Variants in MAD1L1 observed in about 807,000 individuals in gnomAD.
The protein encoded by MAD1L1 is mitotic spindle assembly checkpoint protein MAD1.
Under a neutral mutation model 96.9 loss-of-function variants are expected in MAD1L1, and 95 were observed. That is an observed-to-expected ratio of 0.98 (90% CI 0.83 to 1.16). MAD1L1 has a LOEUF of 1.16. MAD1L1 is among the 50% of genes most tolerant of loss of function. The pLI, the probability that MAD1L1 is intolerant of heterozygous loss-of-function variation, is 0.00. For synonymous variants in MAD1L1, 473 were observed against 396.6 expected, an observed-to-expected ratio of 1.19 and a Z score of -2.29; for missense variants, 1,007 against 954.4, an observed-to-expected ratio of 1.06 and a Z score of -0.73.
At chr7:2,193,699 CG>C (rs1357299630) in intron 10 of MAD1L1, among the ~76,000 whole-genome samples, 9 of 152,306 alleles carry the variant, frequency 5.9e-5, no homozygotes, top group Non-Finnish European at 8.8e-5. Context: ...CAGATTCCTC[CG>C]GAAAACCTCA....
chr7:1,881,222 A>G (rs1291467247), intron 18 of MAD1L1, among the ~76,000 whole-genome samples: 3 of 152,070 alleles, frequency 2.0e-5, no homozygotes, highest in Admixed American at 6.6e-5. Flanking sequence ...CAACTCAAAT[A>G]TGGGTTTAAA....
chr7:2,150,448 C>A (rs980838255), intron 10 of MAD1L1, among the ~76,000 whole-genome samples: 1 of 152,164 alleles, frequency 6.6e-6, no homozygotes, highest in Non-Finnish European at 1.5e-5. Flanking sequence ...TACCCATGGG[C>A]CCCCGAAACC....
intron 13 of MAD1L1, among the ~76,000 whole-genome samples, chr7:2,011,559 C>G (rs1260035365): frequency 6.6e-6 from 1 of 152,192 alleles, no homozygotes; most frequent in Non-Finnish European, 1.5e-5. Flanking sequence ...AGGCAGGGCA[C>G]AGGCTCCGCA....
chr7:2,089,843 GAAGGCCAGGCTTAATT>G (rs1252178873), intron 11 of MAD1L1, among the ~76,000 whole-genome samples: 3 of 152,168 alleles, frequency 2.0e-5, no homozygotes, highest in African/African-American at 7.2e-5. Flanking sequence ...CATCCATCTC[GAAGGCCAGGCTTAATT>G]AAGGCCAGGC....
intron 2 of MAD1L1, 112 bp from the exon 3 acceptor site, chr7:2,230,255 A>T: frequency 1.4e-6 from 1 of 735,636 alleles, no homozygotes; most frequent in Non-Finnish European, 2.2e-6. Flanking sequence ...ATTGGAGCTC[A>T]TAATACACCC....
In MAD1L1 at chr7:2,225,556, C is replaced by T. The variant is rs748805904; in HGVS notation, c.151-6G>A. 1.9e-6 allele frequency: 3 copies of T among 1,612,838 alleles called. No homozygotes were observed. The highest frequency in any genetic ancestry group is 1.7e-6 in the Non-Finnish European group (2 of 1,179,964). ...TGCTCTGCTCTTTCCTCCAGCTGAG[C>T]AGGTCGCACCCAAAGAAAAACAGAA... is the stretch of plus-strand genomic sequence containing the variant. On this transcript the variant is annotated splice_polypyrimidine_tract_variant and splice_region_variant and intron_variant, in intron 3 of 18. Transcript: ENST00000265854.
At chr7:1,872,056 T>C (rs1428843689) in intron 18 of MAD1L1, among the ~76,000 whole-genome samples, 2 of 152,104 alleles carry the variant, frequency 1.3e-5, no homozygotes, top group East Asian at 1.9e-4. Context: ...TGCTGACAGA[T>C]ACAGGCCCAA....
At chr7:1,936,648 G>A (rs1041796778) in intron 17 of MAD1L1, 39 bp downstream of exon 17, 2 of 1,533,162 alleles carry the variant, frequency 1.3e-6, no homozygotes, top group East Asian at 2.5e-5. Flanking sequence ...ACCCACGGAA[G>A]GTCGAGGATG....
intron 11 of MAD1L1, among the ~76,000 whole-genome samples, chr7:2,135,649 G>T (rs755678964): frequency 6.6e-6 from 1 of 152,198 alleles, no homozygotes; most frequent in Non-Finnish European, 1.5e-5. Context: ...CAATGTCCGG[G>T]CCTCCTGCCC....
intron 12 of MAD1L1, among the ~76,000 whole-genome samples, chr7:2,029,897 C>T (rs756776485): frequency 1.1e-4 from 17 of 152,172 alleles, no homozygotes; most frequent in Non-Finnish European, 1.9e-4. Flanking sequence ...AGGGGAAAAG[C>T]TTCAGATGGA....
At chr7:2,162,065 G>A (rs1039323078) in intron 10 of MAD1L1, among the ~76,000 whole-genome samples, 7 of 151,922 alleles carry the variant, frequency 4.6e-5, no homozygotes, top group East Asian at 1.9e-4. Context: ...CCCTCTGCCC[G>A]GCCACCACCC....
In MAD1L1 at chr7:2,146,177, A is replaced by G. The variant is rs1789288874; in HGVS notation, c.1073+2975T>C. On this transcript the variant is annotated intron_variant, in intron 11 of 18. Transcript: ENST00000265854. This position sits in a 1 kb window ranked among gnomAD's most constrained non-coding sequence, Gnocchi z 6.2. ...TCACTTCAGAAGCTCGGCCTGAGGC[A>G]CAAGCATTCCGAGATGCTGCCACGT... 6.6e-6 allele frequency among the ~76,000 whole-genome samples: 1 copy of G among 152,210 alleles called. No homozygotes were observed. Among genetic ancestry groups the G allele is most frequent in the Non-Finnish European group, 1.5e-5 (1 of 68,034 alleles).
intron 10 of MAD1L1, among the ~76,000 whole-genome samples, chr7:2,201,468 T>C (rs1401992482): frequency 3.3e-5 from 5 of 152,112 alleles, no homozygotes; most frequent in Admixed American, 3.3e-4. Context: ...TAAGCACCCA[T>C]GAGTAAAAAC....
intron 18 of MAD1L1, chr7:1,849,302 G>A (rs1783832936): frequency 6.6e-6 from 1 of 152,260 alleles, no homozygotes; most frequent in Admixed American, 6.5e-5. Context: ...CTCCAAGTGA[G>A]GAGGGGCCAT....
At chr7:2,129,627 T>G (rs1788415369) in intron 11 of MAD1L1, among the ~76,000 whole-genome samples, 1 of 152,186 alleles carries the variant, frequency 6.6e-6, no homozygotes, top group African/African-American at 2.4e-5. Context: ...GCTGCCTGTC[T>G]AACAAAGATG....
chr7:1,990,183 T>A (rs1781345528), intron 14 of MAD1L1, among the ~76,000 whole-genome samples: 1 of 152,122 alleles, frequency 6.6e-6, no homozygotes, highest in African/African-American at 2.4e-5. Context: ...CGGGAGGTGG[T>A]GAGGCTGAGG....
At chr7:2,005,283 C>G (rs1007012719) in intron 13 of MAD1L1, among the ~76,000 whole-genome samples, 1 of 152,168 alleles carries the variant, frequency 6.6e-6, no homozygotes, top group African/African-American at 2.4e-5. Context: ...AGGTGTCACT[C>G]AGACTGCAAA....
At chr7:2,068,485 C>T (rs561605779) in intron 12 of MAD1L1, among the ~76,000 whole-genome samples, 1 of 152,322 alleles carries the variant, frequency 6.6e-6, no homozygotes, top group East Asian at 1.9e-4. Flanking sequence ...AGCATGCATC[C>T]TGGGCCAGGG....
intron 10 of MAD1L1, 81 bp downstream of exon 10, chr7:2,213,131 G>T: frequency 6.8e-7 from 1 of 1,461,900 alleles, no homozygotes; most frequent in Non-Finnish European, 9.6e-7. Context: ...AGACTGCGCT[G>T]GTGAGCCGGA....
Sources: allele counts gnomAD v4.1 joint callset (sites outside exome capture counted in the v4.1 genomes callset), GRCh38; gene constraint gnomAD v4.1.1; non-coding constraint Gnocchi (gnomAD v3.1); transcripts MANE v1.5; gene names NCBI Gene and HGNC (gene_info 2026-07-23, HGNC 2026-07-21).